The following PTP4A1 variants were observed in gnomAD, a reference collection of about 807,000 sequenced individuals.
The protein encoded by PTP4A1 is protein tyrosine phosphatase type IVA 1.
A neutral mutation model predicts 20.5 loss-of-function variants in PTP4A1; 9 were observed. The ratio of observed to expected loss-of-function variants is 0.44; its 90% CI spans 0.26 to 0.77. The LOEUF (loss-of-function observed/expected upper bound fraction) is 0.77, where lower values mean the gene tolerates loss of function less well. Among genes scored for constraint, PTP4A1 ranks in the 30% least tolerant of loss-of-function variants. The pLI is 0.19. For missense variants in PTP4A1, 137 were observed against 218.8 expected, an observed-to-expected ratio of 0.63 and a Z score of 2.36; for synonymous variants, 78 against 67.4, an observed-to-expected ratio of 1.16 and a Z score of -0.77.
upstream of PTP4A1, among the ~76,000 whole-genome samples, chr6:63,520,382 T>G (rs1774875533): frequency 1.3e-5 from 2 of 152,136 alleles, no homozygotes; most frequent in Admixed American, 1.3e-4. Context: ...ATCCCAGCAC[T>G]TTGGGAGACT....
In PTP4A1 at chr6:63,572,735, A is replaced by T; in HGVS notation, c.-446+16A>T. The T allele has an allele frequency of 2.5e-6, 1 of 398,330 alleles. No individual in the cohort carries two copies. Among genetic ancestry groups the T allele is most frequent in the Non-Finnish European group, 4.4e-6 (1 of 225,584 alleles). The allele number at this position is 398,330 out of a possible 1,614,324, so 24.7% of individuals were successfully genotyped here. A position where few individuals can be genotyped will look rare whatever the true frequency, so the allele number is the denominator to read the frequency against. On this transcript the variant is annotated intron_variant, in intron 1 of 5. Coordinates refer to ENST00000626021, the MANE Select transcript of PTP4A1 (RefSeq NM_003463.5). ...ACATATTCCTGTGAGTAGCCGTCGC[A>T]TCGTCGCCTCTCGGGCTGGGAATCC...
chr6:63,535,650 G>A (rs1349099629), intron 2 of PTP4A1, among the ~76,000 whole-genome samples: 1 of 152,122 alleles, frequency 6.6e-6, no homozygotes, highest in Admixed American at 6.5e-5. Context: ...AAAAATCAAT[G>A]TAATACTTAG....
At chr6:63,579,358 G>C in intron 5 of PTP4A1, 27 bp downstream of exon 5, 1 of 1,520,904 alleles carries the variant, frequency 6.6e-7, no homozygotes, top group Non-Finnish European at 9.0e-7. Flanking sequence ...CTTTTCATTT[G>C]TACTCTCTTT....
intron 2 of PTP4A1, 71 bp downstream of exon 2, chr6:63,577,056 A>T: frequency 8.0e-7 from 1 of 1,250,798 alleles, no homozygotes; most frequent in Non-Finnish European, 1.1e-6. Context: ...CTAACAAAAT[A>T]AAAACTACTT....
chr6:63,530,494 T>C (rs1255599135), intron 2 of PTP4A1, among the ~76,000 whole-genome samples: 2 of 152,132 alleles, frequency 1.3e-5, no homozygotes, highest in African/African-American at 4.8e-5. Flanking sequence ...GGCTGCCTCA[T>C]ACAGTCACAC....
intron 3 of PTP4A1, among the ~76,000 whole-genome samples, chr6:63,560,369 A>G (rs1424694555): frequency 6.6e-6 from 1 of 151,236 alleles, no homozygotes; most frequent in Non-Finnish European, 1.5e-5. Flanking sequence ...AAAGAAAGAA[A>G]AGAAGTGAAA....
At chr6:63,517,851 T>G (rs1681945), upstream of PTP4A1, among the ~76,000 whole-genome samples, 81,412 of 151,948 alleles carry the variant, frequency 0.54, 23,629 homozygotes, top group African/African-American at 0.77. Context: ...AAGAATCCAT[T>G]GACACATAAA....
intron 3 of PTP4A1, among the ~76,000 whole-genome samples, chr6:63,555,692 C>CTTTTTT (rs35538550): frequency 7.4e-6 from 1 of 135,010 alleles, no homozygotes; most frequent in African/African-American, 2.8e-5. Context: ...CAATTACACT[C>CTTTTTT]TTTTTTTTTT....
Position 63,540,635 on chromosome 6 carries a change from AAAG to A in PTP4A1, c.-639-9662_-639-9660del, listed in dbSNP as rs534618395. Reference sequence around the variant, plus strand: ...TAGAGACCCTGTATCACAAATGAAAAAAGAAAAGAAAAAAGAAAAAAGTTAGAT... The same window carrying A: ...TAGAGACCCTGTATCACAAATGAAAAAAAAGAAAAAAGAAAAAAGTTAGAT... On this transcript the variant is annotated intron_variant, in intron 2 of 3. Coordinates refer to the PTP4A1 transcript ENST00000639568. Among the ~76,000 whole-genome samples, 374 of 151,620 alleles carry A rather than the reference AAAG, an allele frequency of 2.5e-3. 3 individuals carry two copies. The highest frequency in any genetic ancestry group is 8.6e-3 in the African/African-American group (355 of 41,314).
upstream of PTP4A1, among the ~76,000 whole-genome samples, chr6:63,569,028 C>T (rs1393244959): frequency 1.3e-5 from 2 of 152,252 alleles, no homozygotes; most frequent in East Asian, 3.9e-4. Context: ...TGATATTACT[C>T]TTGCTATGTT....
At chr6:63,521,420 A>C (rs1327684985), upstream of PTP4A1, among the ~76,000 whole-genome samples, 3 of 152,200 alleles carry the variant, frequency 2.0e-5, no homozygotes, top group Admixed American at 2.0e-4. Flanking sequence ...CTCAGGTAGG[A>C]TCAGAAAGAG....
intron 2 of PTP4A1, among the ~76,000 whole-genome samples, chr6:63,577,536 T>A (rs577032063): frequency 1.3e-5 from 2 of 152,304 alleles, no homozygotes; most frequent in Admixed American, 6.5e-5. Context: ...CAAATAGGCC[T>A]CTCAGAACAT....
chr6:63,553,030 G>C (rs535810597), intron 3 of PTP4A1, among the ~76,000 whole-genome samples: 2 of 152,150 alleles, frequency 1.3e-5, no homozygotes, highest in Non-Finnish European at 2.9e-5. Context: ...AGTTGCACGA[G>C]AGTCTTCATA....
At chr6:63,526,837 T>TATATATATATATA (rs1562111525) in intron 1 of PTP4A1, among the ~76,000 whole-genome samples, 105 of 87,630 alleles carry the variant, frequency 1.2e-3, no homozygotes, top group African/African-American at 2.8e-3. Flanking sequence ...ATATATATAT[T>TATATATATATATA]TATTTATTTA....
At chr6:63,569,642 C>T (rs1047959086), upstream of PTP4A1, among the ~76,000 whole-genome samples, 6 of 152,136 alleles carry the variant, frequency 3.9e-5, no homozygotes, top group Non-Finnish European at 7.4e-5. Flanking sequence ...AATAGAAAGC[C>T]CTGCCTATCG....
chr6:63,544,036 C>T (rs1313490274), intron 2 of PTP4A1, among the ~76,000 whole-genome samples: 2 of 152,098 alleles, frequency 1.3e-5, no homozygotes. Flanking sequence ...TGTAATTCTC[C>T]GCCCCCAACC....
chr6:63,558,930 T>C (rs1198610591), intron 3 of PTP4A1, among the ~76,000 whole-genome samples: 1 of 152,196 alleles, frequency 6.6e-6, no homozygotes, highest in Non-Finnish European at 1.5e-5. Context: ...TCCTAAAGTG[T>C]CTATTACAAT....
At chr6:63,516,597 A>G in the PTP4A1 span, among the ~76,000 whole-genome samples, 2 of 152,176 alleles carry the variant, frequency 1.3e-5, no homozygotes, top group African/African-American at 4.8e-5. Context: ...CAAACATGGC[A>G]TACTGCTGGC....
intron 1 of PTP4A1, among the ~76,000 whole-genome samples, chr6:63,527,666 C>CA (rs1376394204): frequency 6.6e-6 from 1 of 152,128 alleles, no homozygotes; most frequent in African/African-American, 2.4e-5. Flanking sequence ...CTTAAGTAAC[C>CA]ATGTCCAAGG....
Sources: gnomAD v4.1 joint callset for allele counts (sites outside exome capture counted in the v4.1 genomes callset) on GRCh38, gnomAD v4.1.1 for gene constraint, MANE v1.5 for transcripts, NCBI Gene and HGNC (gene_info 2026-07-23, HGNC 2026-07-21) for gene names.